CCDC178: variants seen among roughly 807,000 people sequenced by gnomAD.
The protein encoded by CCDC178 is coiled-coil domain containing 178, also known as coiled-coil domain-containing protein 178.
A neutral mutation model predicts 117.4 loss-of-function variants in CCDC178; 126 were observed. The ratio of observed to expected loss-of-function variants is 1.07; its 90% confidence interval spans 0.93 to 1.24. The LOEUF is 1.24. Ranked by LOEUF, CCDC178 falls within the 50% of genes most tolerant of loss-of-function variation. CCDC178 has a pLI of 0.00. For synonymous variants in CCDC178, 283 were observed against 313.4 expected, an observed-to-expected ratio of 0.90 and a Z score of 1.02; for missense variants, 1,030 against 986.9, an observed-to-expected ratio of 1.04 and a Z score of -0.59.
chr18:33,285,956 T>C (rs1365608602), intron 12 of CCDC178, among the ~76,000 whole-genome samples: 1 of 147,102 alleles, frequency 6.8e-6, no homozygotes, highest in African/African-American at 2.5e-5. Context: ...TCCTATTATT[T>C]AAAAAATTAG....
intron 5 of CCDC178, among the ~76,000 whole-genome samples, chr18:33,387,992 A>C (rs1318338134): frequency 2.0e-5 from 3 of 152,206 alleles, no homozygotes; most frequent in South Asian, 4.1e-4. Flanking sequence ...CAAAATCTAC[A>C]AAGAACTTAA....
intron 3 of CCDC178, among the ~76,000 whole-genome samples, chr18:33,403,913 T>G (rs1261806357): frequency 1.3e-5 from 2 of 151,998 alleles, no homozygotes; most frequent in African/African-American, 4.8e-5. Flanking sequence ...TGAGGAATAC[T>G]CCTTTCGACT....
intron 11 of CCDC178, among the ~76,000 whole-genome samples, chr18:33,294,154 T>G (rs2144880776): frequency 6.6e-6 from 1 of 152,330 alleles, no homozygotes; most frequent in East Asian, 1.9e-4. Context: ...AATGCTAATC[T>G]GTGAACCACA....
chr18:32,948,817 C>A (rs1252337078), intron 22 of CCDC178, among the ~76,000 whole-genome samples: 1 of 151,914 alleles, frequency 6.6e-6, no homozygotes, highest in Non-Finnish European at 1.5e-5. Flanking sequence ...ATCACATATT[C>A]CTTCATGTCA....
chr18:33,380,033 T>A (rs8085194), intron 5 of CCDC178, among the ~76,000 whole-genome samples: 1 of 152,108 alleles, frequency 6.6e-6, no homozygotes, highest in Non-Finnish European at 1.5e-5. Context: ...CTGGTCCAGG[T>A]AAGTGGGTAC....
chr18:33,011,226 A>G (rs2055856360), intron 21 of CCDC178, among the ~76,000 whole-genome samples: 1 of 152,198 alleles, frequency 6.6e-6, no homozygotes, highest in South Asian at 2.1e-4. Flanking sequence ...CTTGTATACA[A>G]GTGGCTCAAA....
chr18:33,377,797 A>C (rs2063385207), intron 5 of CCDC178, among the ~76,000 whole-genome samples: 1 of 152,130 alleles, frequency 6.6e-6, no homozygotes, highest in Non-Finnish European at 1.5e-5. Flanking sequence ...ATTCTTTTCC[A>C]TTGATCTATA....
chr18:33,064,657 T>C (rs1043482766), intron 21 of CCDC178, among the ~76,000 whole-genome samples: 2 of 152,174 alleles, frequency 1.3e-5, no homozygotes, highest in Non-Finnish European at 2.9e-5. Flanking sequence ...ACTGCATGCA[T>C]GGTACTCAAG....
chr18:33,014,346 G>C (rs1247012573), intron 21 of CCDC178, among the ~76,000 whole-genome samples: 1 of 152,192 alleles, frequency 6.6e-6, no homozygotes, highest in Non-Finnish European at 1.5e-5. Context: ...AGTACAATCA[G>C]TAGGAACTGT....
chr18:33,118,337 T>C (rs931784589), intron 20 of CCDC178, among the ~76,000 whole-genome samples: 3 of 152,034 alleles, frequency 2.0e-5, no homozygotes, highest in Non-Finnish European at 2.9e-5. Context: ...TGCATGGTGC[T>C]ATTTCTCTCA....
intron 20 of CCDC178, among the ~76,000 whole-genome samples, chr18:33,189,111 A>G (rs778675779): frequency 9.9e-5 from 15 of 152,154 alleles, no homozygotes; most frequent in Non-Finnish European, 1.5e-4. Context: ...TTTGAAATGC[A>G]GGAGTTTCTT....
At chr18:33,090,170 G>A (rs2057441708) in intron 21 of CCDC178, among the ~76,000 whole-genome samples, 3 of 151,928 alleles carry the variant, frequency 2.0e-5, no homozygotes, top group Admixed American at 2.0e-4. Context: ...TCAAGTAAGG[G>A]GACATTATTT....
At chr18:32,969,944 T>C (rs1426863441) in intron 22 of CCDC178, among the ~76,000 whole-genome samples, 1 of 152,026 alleles carries the variant, frequency 6.6e-6, no homozygotes, top group Non-Finnish European at 1.5e-5. Flanking sequence ...AAGGAAATGA[T>C]AATAGTACTT....
intron 2 of CCDC178, among the ~76,000 whole-genome samples, chr18:33,426,224 C>G (rs2064123101): frequency 6.6e-6 from 1 of 152,202 alleles, no homozygotes; most frequent in Non-Finnish European, 1.5e-5. Context: ...GAATTATTCT[C>G]TAAGACCCAC....
intron 11 of CCDC178, among the ~76,000 whole-genome samples, chr18:33,317,306 A>G (rs2062433422): frequency 6.6e-6 from 1 of 152,200 alleles, no homozygotes; most frequent in East Asian, 1.9e-4. Context: ...AAGAGCTGTG[A>G]CATTCACCGT....
At chr18:33,089,496 T>C (rs2057430608) in intron 21 of CCDC178, among the ~76,000 whole-genome samples, 1 of 152,184 alleles carries the variant, frequency 6.6e-6, no homozygotes, top group Admixed American at 6.5e-5. Context: ...TCCACACAAG[T>C]ATTTGTTACG....
chr18:33,078,384 C>T (rs888603084), intron 21 of CCDC178, among the ~76,000 whole-genome samples: 18 of 152,172 alleles, frequency 1.2e-4, no homozygotes, highest in African/African-American at 4.3e-4. Context: ...GACAAGAGTG[C>T]TCTCTCCTGC....
At chr18:33,195,807 C>T (rs2058923315) in intron 20 of CCDC178, among the ~76,000 whole-genome samples, 1 of 152,178 alleles carries the variant, frequency 6.6e-6, no homozygotes, top group South Asian at 2.1e-4. Flanking sequence ...TGATGTTTTA[C>T]TTTTTTCCTT....
intron 14 of CCDC178, among the ~76,000 whole-genome samples, chr18:33,252,925 C>A (rs1240055801): frequency 6.6e-6 from 1 of 151,724 alleles, no homozygotes; most frequent in Admixed American, 6.6e-5. Context: ...TATAGAAATT[C>A]ATACCACACA....
Sources: allele counts gnomAD v4.1 joint callset (sites outside exome capture counted in the v4.1 genomes callset), GRCh38; gene constraint gnomAD v4.1.1; transcripts MANE v1.5; gene names NCBI Gene and HGNC (gene_info 2026-07-23, HGNC 2026-07-21).